Variants in SYNE2 observed in about 807,000 individuals in gnomAD.
The protein encoded by SYNE2 is nesprin-2.
A neutral mutation model predicts 856.3 loss-of-function variants in SYNE2; 431 were observed. The observed-to-expected ratio is 0.50, with a 90% CI of 0.47 to 0.55. The LOEUF is 0.55. SYNE2 is among the 20% of genes least tolerant of loss of function. The pLI is 0.00. For synonymous variants in SYNE2, 2,923 were observed against 2,872.3 expected, an observed-to-expected ratio of 1.02 and a Z score of -0.56; for missense variants, 8,129 against 8,023.2, an observed-to-expected ratio of 1.01 and a Z score of -0.50.
Position 64,114,599 on chromosome 14 carries a change from G to A in SYNE2, c.12840+1028G>A, listed in dbSNP as rs370944434. ...GCCAGCCTCCTTTTCTGTGCATCTC[G>A]GCACCTCTGATCTCAAAAGTCAGTT... On this transcript the variant is annotated intron_variant, in intron 66 of 115. Coordinates refer to ENST00000555002, the MANE Select transcript of SYNE2 (RefSeq NM_182914.3). 1.8e-4 allele frequency among the ~76,000 whole-genome samples: 27 copies of A among 151,598 alleles called. 1 individual carries two copies. The highest frequency in any genetic ancestry group is 3.5e-3 in the Middle Eastern group (1 of 282).
At chr14:64,040,934 A>AC in intron 45 of SYNE2, among the ~76,000 whole-genome samples, 1 of 152,016 alleles carries the variant, frequency 6.6e-6, no homozygotes, top group East Asian at 1.9e-4. Context: ...AAATAGTAAA[A>AC]CACCAGAGCC....
rs1219164099 is a variant in SYNE2, at chr14:63,963,965, G to C, written c.955G>C (p.Asp319His). The C allele has an allele frequency of 6.2e-7, 1 of 1,611,122 alleles. No individual in the cohort carries two copies. Among genetic ancestry groups the C allele is most frequent in the African/African-American group, 1.3e-5 (1 of 74,958 alleles). The change falls in exon 10 of 116, where the codon GAT becomes CAT. Residue 319 changes from aspartate to histidine, a missense_variant. By Grantham distance (81) the Asp-to-His change is moderately conservative. Coordinates refer to ENST00000555002, the MANE Select transcript of SYNE2 (RefSeq NM_182914.3). ...QKEKLQKLLK[D>H]SENDTYFKKY... ...GGAAAAACTACAGAAGTTGCTAAAG[G>C]ATTCAGAGAATGATACCTACTTTAA...
At chr14:64,036,543 C>T (rs1185685760) in intron 45 of SYNE2, among the ~76,000 whole-genome samples, 3 of 152,168 alleles carry the variant, frequency 2.0e-5, no homozygotes, top group Admixed American at 6.5e-5. Context: ...CCCACCTTGG[C>T]CTCCTAAAAT....
intron 1 of SYNE2, among the ~76,000 whole-genome samples, chr14:63,842,123 G>A (rs554141718): frequency 3.9e-4 from 58 of 148,926 alleles, no homozygotes; most frequent in African/African-American, 9.9e-4. Context: ...CGTAAGCACC[G>A]CGCCTGGCCT....
At chr14:63,839,628 G>A (rs537345801) in intron 1 of SYNE2, among the ~76,000 whole-genome samples, 4 of 152,080 alleles carry the variant, frequency 2.6e-5, no homozygotes, top group South Asian at 2.1e-4. Context: ...CTGGGAGGTC[G>A]AGGCTGCAGT....
chr14:63,926,682 A>T (rs2095670140), intron 2 of SYNE2, among the ~76,000 whole-genome samples: 1 of 152,226 alleles, frequency 6.6e-6, no homozygotes, highest in African/African-American at 2.4e-5. Context: ...TAACCCGATG[A>T]AGTAGATACT....
chr14:64,202,320 C>G (rs760900147), intron 99 of SYNE2: 1 of 702,116 alleles, frequency 1.4e-6, no homozygotes. Flanking sequence ...CCATGAGAGG[C>G]CTTGTGGACC....
At chr14:64,087,419 G>A (rs778877577) in intron 57 of SYNE2, 1 of 645,848 alleles carries the variant, frequency 1.5e-6, no homozygotes, top group Non-Finnish European at 3.0e-6. Context: ...ATTATTAAAG[G>A]ATTCCAAGTG....
chr14:63,762,388 C>T (rs1402928126), intron 1 of SYNE2, among the ~76,000 whole-genome samples: 2 of 149,716 alleles, frequency 1.3e-5, no homozygotes, highest in African/African-American at 2.5e-5. Flanking sequence ...TGAGCTGAGA[C>T]CGTGCCATTG....
chr14:64,221,535 G>C lies in SYNE2; in HGVS notation c.20062-41G>C, dbSNP rs559698678. The C allele has an allele frequency of 6.8e-6, 11 of 1,614,158 alleles. No homozygotes were observed. In the East Asian group the frequency reaches 1.6e-4, roughly 23 times the overall value. On this transcript the variant is annotated intron_variant, in intron 111 of 115. Transcript: ENST00000555002. The stretch of plus-strand genomic sequence containing the variant: ...TGTTCCTGGCACACCCTCTTCCAGG[G>C]CTCTAAGACACGGCCGCGCTCTGAT...
intron 14 of SYNE2, among the ~76,000 whole-genome samples, chr14:63,979,341 T>C (rs2096568524): frequency 6.6e-6 from 1 of 152,248 alleles, no homozygotes; most frequent in South Asian, 2.1e-4. Context: ...TTAATTTTTG[T>C]TTCCTTTTCA....
intron 11 of SYNE2, among the ~76,000 whole-genome samples, chr14:63,971,910 T>G (rs1378044968): frequency 1.3e-5 from 2 of 152,230 alleles, no homozygotes; most frequent in Non-Finnish European, 2.9e-5. Context: ...TTTATAGAGT[T>G]ATGACAGGAA....
chr14:64,057,483 C>G (rs996881047), intron 49 of SYNE2, among the ~76,000 whole-genome samples: 4 of 151,968 alleles, frequency 2.6e-5, no homozygotes, highest in Admixed American at 2.6e-4. Context: ...AATAATACTC[C>G]TTTGTGTGTA....
chr14:64,051,895 G>A lies in SYNE2; in HGVS notation c.7982G>A (p.Gly2661Glu). 6.2e-7 allele frequency: 1 copy of A among 1,613,874 alleles called. No individual in the cohort carries two copies. Among genetic ancestry groups the A allele is most frequent in the East Asian group, 2.2e-5 (1 of 44,888 alleles). Residue 2661 changes from glycine (G) to glutamate (E), a missense_variant, in exon 48 of 116, where the codon GGG (glycine) becomes GAG (glutamate). Gly to Glu is a moderately conservative substitution (Grantham distance 98, BLOSUM62 -2). Coordinates refer to ENST00000555002, the MANE Select transcript of SYNE2 (RefSeq NM_182914.3). ...LRLKSPEERA[G>E]NQSMIALTTD... Reference sequence around the variant, plus strand: ...CTGAAGTCTCCAGAAGAACGGGCAGGGAACCAAAGCATGATTGCCTTGACC... The same window carrying A: ...CTGAAGTCTCCAGAAGAACGGGCAGAGAACCAAAGCATGATTGCCTTGACC...
chr14:64,190,904 C>A (rs1403899789), intron 99 of SYNE2: 5 of 697,728 alleles, frequency 7.2e-6, no homozygotes, highest in Non-Finnish European at 1.3e-5. Flanking sequence ...TCTTCAAATT[C>A]CCTCTCTAAA....
intron 2 of SYNE2, among the ~76,000 whole-genome samples, chr14:63,911,217 C>T (rs1010773102): frequency 6.6e-6 from 1 of 152,096 alleles, no homozygotes; most frequent in African/African-American, 2.4e-5. Context: ...TCCCCCGGCC[C>T]CTCCTCCAGC....
chr14:63,948,535 G>A (rs768646627), intron 6 of SYNE2, among the ~76,000 whole-genome samples: 3 of 151,304 alleles, frequency 2.0e-5, no homozygotes, highest in South Asian at 2.1e-4. Flanking sequence ...GGTGGCGTGC[G>A]CCTGTAATCC....
At chr14:63,765,465 A>G (rs1595089861) in intron 1 of SYNE2, among the ~76,000 whole-genome samples, 2 of 151,850 alleles carry the variant, frequency 1.3e-5, no homozygotes, top group South Asian at 4.2e-4. Flanking sequence ...CCATTCTCCC[A>G]CCTCAGCCTC....
intron 61 of SYNE2, among the ~76,000 whole-genome samples, chr14:64,095,416 A>G (rs1206982012): frequency 6.6e-6 from 1 of 152,220 alleles, no homozygotes; most frequent in East Asian, 1.9e-4. Context: ...TCTTCTAACA[A>G]TGCATGATTT....
Sources: gnomAD v4.1 joint callset for allele counts (sites outside exome capture counted in the v4.1 genomes callset) on GRCh38, gnomAD v4.1.1 for gene constraint, MANE v1.5 for transcripts, NCBI Gene and HGNC (gene_info 2026-07-23, HGNC 2026-07-21) for gene names.